MAPKBP1: variants seen among roughly 807,000 people sequenced by gnomAD.
The protein encoded by MAPKBP1 is mitogen-activated protein kinase binding protein 1.
In MAPKBP1, 71 loss-of-function variants were observed where a neutral mutation model predicts 170.5. That is an observed-to-expected ratio of 0.42 (90% CI 0.34 to 0.51). The LOEUF (loss-of-function observed/expected upper bound fraction) is 0.51. Ranked by LOEUF, MAPKBP1 falls within the 20% of genes least tolerant of loss-of-function variation. The probability of loss-of-function intolerance (pLI) is 0.06; values close to 1 mark genes in which losing one functional copy is unlikely to be tolerated. For synonymous variants in MAPKBP1, 719 were observed against 757.9 expected, an observed-to-expected ratio of 0.95 and a Z score of 0.84; for missense variants, 1,598 against 1,933.0, an observed-to-expected ratio of 0.83 and a Z score of 3.25.
In MAPKBP1 at chr15:41,823,766, A is replaced by G. The variant is rs1252172059; in HGVS notation, c.3918A>G (p.Ala1306=). The G allele has an allele frequency of 6.2e-7, 1 of 1,613,954 alleles. No homozygotes were observed. Among genetic ancestry groups the G allele is most frequent in the South Asian group, 1.1e-5 (1 of 91,046 alleles). ...TGCCTGACCGTCCTACCCTGGCTGC[A>G]TTCTCTCCTGTCACCAAAGGCCGGG... ...KPLPDRPTLA[A]FSPVTKGRAP... is the part of the protein sequence containing the mutation. The change falls in exon 29 of 31, where the codon GCA becomes GCG. Residue 1306 remains alanine (A), a synonymous_variant. Coordinates refer to ENST00000457542, the MANE Select transcript of MAPKBP1 (RefSeq NM_014994.3).
intron 2 of MAPKBP1, among the ~76,000 whole-genome samples, chr15:41,798,185 G>A (rs1243619430): frequency 7.0e-6 from 1 of 143,852 alleles, no homozygotes; most frequent in Non-Finnish European, 1.5e-5. Flanking sequence ...GGGAGGTGGA[G>A]CTTGCAGTGA....
At chr15:41,787,024 G>A (rs570981730) in intron 2 of MAPKBP1, among the ~76,000 whole-genome samples, 24 of 150,512 alleles carry the variant, frequency 1.6e-4, no homozygotes, top group East Asian at 6.0e-4. Context: ...TCAGCCTCCC[G>A]AGTAGCTGGG....
chr15:41,816,607 T>C lies in MAPKBP1; in HGVS notation c.1542T>C (p.His514=), dbSNP rs2064896257. The C allele has an allele frequency of 6.2e-7, 1 of 1,613,952 alleles. No homozygotes were observed. The highest frequency in any genetic ancestry group is 1.7e-5 in the Admixed American group (1 of 60,008). Residue 514 remains histidine, a synonymous_variant, in exon 13 of 31, where the codon CAT becomes CAC. Coordinates refer to ENST00000457542, the MANE Select transcript of MAPKBP1 (RefSeq NM_014994.3). ...SLSEMLKVEA[H]DSEILCLEYS... is the part of the protein sequence containing the mutation. Reference sequence around the variant, plus strand: ...GTGAGATGCTGAAGGTGGAGGCCCATGACTCTGAGATTCTGTGCCTGGAGT... The same window carrying C: ...GTGAGATGCTGAAGGTGGAGGCCCACGACTCTGAGATTCTGTGCCTGGAGT...
Position 41,827,769 on chromosome 15 carries a change from C to T in MAPKBP1, c.*2333C>T, listed in dbSNP as rs1283469968. On this transcript the variant is annotated 3_prime_UTR_variant, in exon 31 of 31. Transcript: ENST00000457542. ...AGGTCGCGGCGCTTCCTGCCTCATC[C>T]TCGGCTGCATGGGGCGGGGGCGCTG... 1.3e-5 allele frequency: 3 copies of T among 231,802 alleles called. No homozygotes were observed. The highest frequency in any genetic ancestry group is 2.3e-5 in the African/African-American group (1 of 43,816). 14.4% of individuals were successfully genotyped at this position (231,802 alleles called of 1,614,324 possible).
chr15:41,790,801 C>G (rs1012481864), intron 2 of MAPKBP1, among the ~76,000 whole-genome samples: 1 of 152,172 alleles, frequency 6.6e-6, no homozygotes, highest in Non-Finnish European at 1.5e-5. Context: ...CTACCTCTGA[C>G]CAGATGGCAC....
At chr15:41,789,261 T>G (rs888779144) in intron 2 of MAPKBP1, among the ~76,000 whole-genome samples, 8 of 150,880 alleles carry the variant, frequency 5.3e-5, no homozygotes, top group African/African-American at 1.9e-4. Flanking sequence ...CTGGTTTTGC[T>G]GTAGTACTGT....
At chr15:41,782,479 A>G (rs1374824857) in intron 2 of MAPKBP1, among the ~76,000 whole-genome samples, 3 of 152,176 alleles carry the variant, frequency 2.0e-5, no homozygotes, top group East Asian at 1.9e-4. Flanking sequence ...AGCATTTTAC[A>G]TATACTATCT....
rs1218127594 is a variant in MAPKBP1 at position 41,822,688 on chromosome 15, C to T, written c.3314+11C>T. On this transcript the variant is annotated intron_variant, in intron 27 of 30. Coordinates refer to ENST00000457542, the MANE Select transcript of MAPKBP1 (RefSeq NM_014994.3). ...GACCCGCCCACTCAGGTACAGAGGC[C>T]CCCTACCCCCCAGCAGCAGCTCTGG... 6.2e-7 allele frequency: 1 copy of T among 1,613,742 alleles called. No homozygotes were observed. Among genetic ancestry groups the T allele is most frequent in the African/African-American group, 1.3e-5 (1 of 75,010 alleles).
Position 41,812,998 on chromosome 15 carries a change from G to C in MAPKBP1, c.716G>C (p.Cys239Ser). The change falls in exon 8 of 31, where the codon TGT becomes TCT. Residue 239 changes from cysteine (C) to serine (S), a missense_variant. This residue lies in a region of MAPKBP1 where 430 missense variants were observed against 617.2 expected (regional missense o/e 0.70). Transcript: ENST00000457542. ...LRNNLFTDVA[C>S]GRGKKADSTF... ...AACAACCTATTCACTGATGTGGCCTGTGGCAGAGGAAAAAAGGCGGACAGT... is the reference window on the plus strand; with the variant it reads ...AACAACCTATTCACTGATGTGGCCTCTGGCAGAGGAAAAAAGGCGGACAGT... 6.2e-7 allele frequency: 1 copy of C among 1,614,086 alleles called. No individual in the cohort carries two copies. The highest frequency in any genetic ancestry group is 8.5e-7 in the Non-Finnish European group (1 of 1,179,964).
At chr15:41,805,835 T>G (rs1407602366) in intron 3 of MAPKBP1, among the ~76,000 whole-genome samples, 1 of 152,296 alleles carries the variant, frequency 6.6e-6, no homozygotes, top group East Asian at 1.9e-4. Flanking sequence ...AGGTTGGGAC[T>G]TGGTGCCCAG....
rs868525258 is a variant in MAPKBP1 at position 41,781,592 on chromosome 15, A to C, written c.114+6203A>C. ...CAGGAGTTTGAGGCTGCAGTGAGCT[A>C]TGATGGCACCACTGTATTCCAGCCT... On this transcript the variant is annotated intron_variant, in intron 2 of 30. Coordinates refer to ENST00000457542, the MANE Select transcript of MAPKBP1 (RefSeq NM_014994.3). Among the ~76,000 whole-genome samples, 7 of 152,256 alleles carry C rather than the reference A, an allele frequency of 4.6e-5. No individual in the cohort carries two copies. The South Asian group carries it at 1.0e-3, about 23-fold the overall frequency.
At chr15:41,813,309 C>G in intron 8 of MAPKBP1, 1 of 1,529,420 alleles carries the variant, frequency 6.5e-7, no homozygotes, top group Non-Finnish European at 9.1e-7. Context: ...TCTCTTTCCC[C>G]TGCTTTCCTC....
rs560890484 is a variant in MAPKBP1 at position 41,808,797 on chromosome 15, C to T, written c.207-2086C>T. ...GGCCTGTCATACTTTTTAAAACCCT[C>T]CTGACTGTGACATTCTAGAAGGGGA... is the stretch of plus-strand genomic sequence containing the variant. On this transcript the variant is annotated intron_variant, in intron 3 of 30. Transcript: ENST00000457542. 1.5e-4 allele frequency among the ~76,000 whole-genome samples: 23 copies of T among 152,164 alleles called. No individual in the cohort carries two copies. The South Asian group carries it at 4.1e-3, about 27-fold the overall frequency.
intron 8 of MAPKBP1, 65 bp from the exon 9 acceptor site, chr15:41,813,556 G>T: frequency 8.2e-6 from 13 of 1,580,154 alleles, no homozygotes; most frequent in South Asian, 1.1e-5. Context: ...GGCTGTTGAT[G>T]GGTGGGGAGG....
intron 3 of MAPKBP1, among the ~76,000 whole-genome samples, chr15:41,809,149 G>A (rs2064758719): frequency 6.6e-6 from 1 of 151,888 alleles, no homozygotes; most frequent in Admixed American, 6.6e-5. Flanking sequence ...TTGGGAGGAT[G>A]AGGCAGGAGG....
intron 2 of MAPKBP1, among the ~76,000 whole-genome samples, chr15:41,790,254 G>A (rs1353817670): frequency 6.6e-6 from 1 of 152,174 alleles, no homozygotes; most frequent in Non-Finnish European, 1.5e-5. Flanking sequence ...GGAAATAGAA[G>A]GGCAAATGCC....
Position 41,817,012 on chromosome 15 carries a change from C to T in MAPKBP1, c.1688C>T (p.Ser563Phe). The T allele has an allele frequency of 6.2e-7, 1 of 1,603,632 alleles. No homozygotes were observed. The highest frequency in any genetic ancestry group is 2.2e-5 in the East Asian group (1 of 44,658). ...LQQTLDEHSS[S>F]ITAVKFAASD... ...CAGACGCTGGACGAACACTCATCCT[C>T]CATCACTGCTGTTAAGTTTGCAGGT... Residue 563 changes from serine to phenylalanine, a missense_variant, in exon 14 of 31, where the codon TCC becomes TTC. Physicochemically the swap from Ser to Phe is radical, Grantham distance 155 (BLOSUM62 -2). Coordinates refer to ENST00000457542, the MANE Select transcript of MAPKBP1 (RefSeq NM_014994.3). This position sits in a 1 kb window ranked among gnomAD's most constrained non-coding sequence, Gnocchi z 4.2.
intron 3 of MAPKBP1, among the ~76,000 whole-genome samples, chr15:41,807,526 C>T (rs1450028194): frequency 6.6e-6 from 1 of 152,142 alleles, no homozygotes. Context: ...TACTGTGGTT[C>T]CTGTGTAACT....
Position 41,822,120 on chromosome 15 carries a change from T to C in MAPKBP1, c.3031+10T>C. 6.3e-7 allele frequency: 1 copy of C among 1,592,238 alleles called. No homozygotes were observed. Among genetic ancestry groups the C allele is most frequent in the Non-Finnish European group, 8.6e-7 (1 of 1,168,364 alleles). On this transcript the variant is annotated intron_variant, in intron 25 of 30. Transcript: ENST00000457542. The stretch of plus-strand genomic sequence containing the variant: ...GAGCACCCCACTGAAGGTGAGGCTG[T>C]AGCCTGGAGGGAGGGGCCATGGGGG...
Sources: gnomAD v4.1 joint callset for allele counts (sites outside exome capture counted in the v4.1 genomes callset) on GRCh38, gnomAD v4.1.1 for gene constraint, gnomAD v4.1.1 regional missense constraint, Gnocchi (gnomAD v3.1) non-coding constraint, MANE v1.5 for transcripts, NCBI Gene and HGNC (gene_info 2026-07-23, HGNC 2026-07-21) for gene names.